TAFA2: variants seen among roughly 807,000 people sequenced by gnomAD.
TAFA2 encodes the protein TAFA chemokine like family member 2, also known as chemokine-like protein TAFA-2.
Under a neutral mutation model 18.8 loss-of-function variants are expected in TAFA2, and 7 were observed. The observed-to-expected ratio is 0.37, with a 90% confidence interval of 0.21 to 0.70. The LOEUF (loss-of-function observed/expected upper bound fraction) is 0.70. Ranked by LOEUF, TAFA2 falls within the 30% of genes least tolerant of loss-of-function variation. TAFA2 has a pLI of 0.53. For synonymous variants in TAFA2, 60 were observed against 54.2 expected (o/e 1.11, Z -0.47); for missense variants, 122 against 158.1 (o/e 0.77, Z 1.23).
chr12:62,030,207 G>A (rs1042941687), intron 1 of TAFA2, among the ~76,000 whole-genome samples: 9 of 152,144 alleles, frequency 5.9e-5, no homozygotes, highest in African/African-American at 1.7e-4. Context: ...CTGAAACTGA[G>A]ATGAAGACGG....
At chr12:61,718,303 C>T (rs937304604) in intron 4 of TAFA2, among the ~76,000 whole-genome samples, 3 of 152,308 alleles carry the variant, frequency 2.0e-5, no homozygotes, top group East Asian at 3.9e-4. Flanking sequence ...CACATTCATC[C>T]ACTCAGAAGC....
intron 1 of TAFA2, among the ~76,000 whole-genome samples, chr12:61,997,902 T>G (rs1337635421): frequency 6.6e-6 from 1 of 152,074 alleles, no homozygotes; most frequent in East Asian, 1.9e-4. Flanking sequence ...AAAACTGCCC[T>G]GAGATATGAC....
chr12:61,744,512 A>G (rs1868607430), intron 4 of TAFA2, among the ~76,000 whole-genome samples: 1 of 152,106 alleles, frequency 6.6e-6, no homozygotes, highest in Admixed American at 6.6e-5. Flanking sequence ...ATTAAATTAT[A>G]TTTAATTAAG....
intron 4 of TAFA2, among the ~76,000 whole-genome samples, chr12:61,753,282 T>TA (rs1329579897): frequency 6.6e-6 from 1 of 152,052 alleles, no homozygotes; most frequent in East Asian, 1.9e-4. Flanking sequence ...TAGATTACTA[T>TA]ACATTAGAAA....
chr12:62,195,006 T>C (rs1390368101), upstream of TAFA2, among the ~76,000 whole-genome samples: 1 of 152,234 alleles, frequency 6.6e-6, no homozygotes, highest in Non-Finnish European at 1.5e-5. Flanking sequence ...CCTAATCTCT[T>C]TGCTGATGGA....
At chr12:61,727,711 T>G (rs1016494028) in intron 4 of TAFA2, among the ~76,000 whole-genome samples, 1 of 151,948 alleles carries the variant, frequency 6.6e-6, no homozygotes, top group Non-Finnish European at 1.5e-5. Flanking sequence ...AGTTACACTT[T>G]CATTTAGTTC....
chr12:62,040,780 G>C (rs1881735878), intron 1 of TAFA2, among the ~76,000 whole-genome samples: 1 of 152,094 alleles, frequency 6.6e-6, no homozygotes, highest in Admixed American at 6.6e-5. Context: ...GACACTAAGA[G>C]GCCATGTTTA....
At chr12:61,878,023 T>C (rs561837543) in intron 1 of TAFA2, 1 of 450,552 alleles carries the variant, frequency 2.2e-6, no homozygotes, top group African/African-American at 2.1e-5. Flanking sequence ...TTTGGAAACA[T>C]GTTAAGTGAA....
chr12:62,059,127 A>ATGTG (rs1565730985), intron 1 of TAFA2, among the ~76,000 whole-genome samples: 9 of 83,198 alleles, frequency 1.1e-4, no homozygotes, highest in African/African-American at 4.3e-4. Flanking sequence ...TAATATATAT[A>ATGTG]TATGTGTGTA....
chr12:61,980,544 A>G (rs750470774), intron 1 of TAFA2, among the ~76,000 whole-genome samples: 3 of 152,200 alleles, frequency 2.0e-5, no homozygotes, highest in Non-Finnish European at 4.4e-5. Flanking sequence ...ACATGATTGT[A>G]TATTTAGAAA....
At chr12:62,099,330 A>T (rs540018988) in intron 1 of TAFA2, among the ~76,000 whole-genome samples, 24 of 152,276 alleles carry the variant, frequency 1.6e-4, no homozygotes, top group Admixed American at 9.2e-4. Context: ...CATTTAACAC[A>T]AAAATGTGAT....
At chr12:61,885,174 A>G (rs1875320292) in intron 1 of TAFA2, among the ~76,000 whole-genome samples, 1 of 152,240 alleles carries the variant, frequency 6.6e-6, no homozygotes, top group Non-Finnish European at 1.5e-5. Flanking sequence ...CAGTCAGAGC[A>G]CACCCAAAAG....
At chr12:62,100,250 G>C (rs187686863) in intron 1 of TAFA2, among the ~76,000 whole-genome samples, 77 of 151,968 alleles carry the variant, frequency 5.1e-4, no homozygotes, top group African/African-American at 1.8e-3. Flanking sequence ...TATGTTCATT[G>C]AGAGCCATTA....
rs949295748 is a variant in TAFA2 at position 61,814,256 on chromosome 12, T to G, written c.106+53064A>C. ...TAGGCCTCATGGTGAGGGAAGGTATTGGTATATTTAATCAACATAAAGAAA... is the reference window on the plus strand; with the variant it reads ...TAGGCCTCATGGTGAGGGAAGGTATGGGTATATTTAATCAACATAAAGAAA... On this transcript the variant is annotated intron_variant, in intron 2 of 4. Coordinates refer to ENST00000416284, the MANE Select transcript of TAFA2 (RefSeq NM_178539.5). Among the ~76,000 whole-genome samples the G allele has an allele frequency of 2.1e-4, 31 of 151,202 alleles. 2 individuals carry two copies. The highest frequency in any genetic ancestry group is 7.4e-4 in the African/African-American group (30 of 40,554).
chr12:61,939,278 C>T (rs1436418546), intron 1 of TAFA2, among the ~76,000 whole-genome samples: 3 of 152,266 alleles, frequency 2.0e-5, no homozygotes, highest in African/African-American at 7.2e-5. Context: ...TACAATATTA[C>T]TCTTAATTTA....
At chr12:62,223,408 G>T (rs1243868389) in intron 1 of TAFA2, among the ~76,000 whole-genome samples, 1 of 152,080 alleles carries the variant, frequency 6.6e-6, no homozygotes, top group East Asian at 1.9e-4. Context: ...AAACTCCTGG[G>T]CTCAAGCAAT....
At chr12:61,881,686 G>GGA (rs1469152172) in intron 1 of TAFA2, among the ~76,000 whole-genome samples, 2 of 152,154 alleles carry the variant, frequency 1.3e-5, no homozygotes, top group African/African-American at 2.4e-5. Flanking sequence ...CACATGGGAA[G>GGA]GAGAGCCTCA....
intron 1 of TAFA2, among the ~76,000 whole-genome samples, chr12:62,044,104 C>T (rs1046982138): frequency 1.3e-5 from 2 of 151,850 alleles, no homozygotes; most frequent in African/African-American, 2.4e-5. Context: ...TGAGAACCCA[C>T]TAACAGTATG....
chr12:61,769,700 TA>T (rs141639709), intron 2 of TAFA2, among the ~76,000 whole-genome samples: 8,577 of 152,036 alleles, frequency 0.056, 806 homozygotes, highest in African/African-American at 0.2. Flanking sequence ...GAGAGCACCA[TA>T]ATTAAGGGAG....
Sources: gnomAD v4.1 joint callset for allele counts (sites outside exome capture counted in the v4.1 genomes callset) on GRCh38, gnomAD v4.1.1 for gene constraint, MANE v1.5 for transcripts, NCBI Gene and HGNC (gene_info 2026-07-23, HGNC 2026-07-21) for gene names.